IKZF2: variants seen among roughly 807,000 people sequenced by gnomAD.
The protein encoded by IKZF2 is zinc finger protein Helios.
A neutral mutation model predicts 49.2 loss-of-function variants in IKZF2; 15 were observed. The ratio of observed to expected loss-of-function variants is 0.30; its 90% CI spans 0.20 to 0.47. IKZF2 has a LOEUF of 0.47. IKZF2 is among the 20% of genes least tolerant of loss of function. The pLI is 1.00. For synonymous variants in IKZF2, 227 were observed against 221.4 expected, an observed-to-expected ratio of 1.03 and a Z score of -0.23; for missense variants, 567 against 664.6, an observed-to-expected ratio of 0.85 and a Z score of 1.61.
chr2:213,143,678 T>C (rs1383592898), intron 4 of IKZF2, among the ~76,000 whole-genome samples: 1 of 151,910 alleles, frequency 6.6e-6, no homozygotes, highest in Non-Finnish European at 1.5e-5. Context: ...TTAGGGTGTG[T>C]CCTACAGAAA....
In IKZF2 at chr2:213,007,205, T is replaced by C. The variant is rs2124997145; in HGVS notation, c.*155A>G. ...CCTTATCGTAATTAGGCAGAGCAAATGACACTGCCTCCACAAAATAAGAAT... is the reference window on the plus strand; with the variant it reads ...CCTTATCGTAATTAGGCAGAGCAAACGACACTGCCTCCACAAAATAAGAAT... On this transcript the variant is annotated 3_prime_UTR_variant, in exon 9 of 9. Coordinates refer to ENST00000434687, the MANE Select transcript of IKZF2 (RefSeq NM_001387220.1). 1.3e-6 allele frequency: 1 copy of C among 787,234 alleles called. No individual in the cohort carries two copies. The highest frequency in any genetic ancestry group is 1.9e-6 in the Non-Finnish European group (1 of 514,480). The allele number at this position is 787,234 out of a possible 1,614,324, so 48.8% of individuals were successfully genotyped here.
chr2:213,098,667 G>GA (rs1034868896), intron 4 of IKZF2, among the ~76,000 whole-genome samples: 1 of 151,910 alleles, frequency 6.6e-6, no homozygotes, highest in Non-Finnish European at 1.5e-5. Context: ...CAGACAGCAG[G>GA]AAAAAAAATA....
At position 213,005,747 on chromosome 2, in the gene IKZF2, T is replaced by C. The variant is rs1030754465; in HGVS notation, c.*1613A>G. ...TCCAAGTATGTCCCCCTAAAATGAC[T>C]TGAATCAATATCACTCGGTTCCTCC... On this transcript the variant is annotated 3_prime_UTR_variant, in exon 9 of 9. Transcript: ENST00000434687. The C allele has an allele frequency of 2.0e-5, 3 of 152,060 alleles. No individual in the cohort carries two copies. Among genetic ancestry groups the C allele is most frequent in the African/African-American group, 7.2e-5 (3 of 41,432 alleles). 9.4% of individuals were successfully genotyped at this position (152,060 alleles called of 1,614,324 possible).
rs753834368 is a variant in IKZF2 at position 213,007,824 on chromosome 2, C to T, written c.1117G>A (p.Ala373Thr). Residue 373 changes from alanine to threonine, a missense_variant, in exon 9 of 9, where the codon GCT (alanine) becomes ACT (threonine). Ala to Thr is a moderately conservative substitution (Grantham distance 58, BLOSUM62 0). Around this residue, in one of 5 missense-constraint regions of IKZF2, gnomAD observed 310 missense variants for 326.9 expected, o/e 0.95. Coordinates refer to ENST00000434687, the MANE Select transcript of IKZF2 (RefSeq NM_001387220.1). ...TCCATGTTGTTTTCATGACTATCAG[C>T]AGTTTCCCTGCTAATGGGTCTTTCT... ...RIERPISRET[A>T]DSHENNMDGP... is the part of the protein sequence containing the mutation. The T allele has an allele frequency of 2.5e-6, 4 of 1,613,556 alleles. No homozygotes were observed. The highest frequency in any genetic ancestry group is 1.7e-5 in the Admixed American group (1 of 59,916).
chr2:213,127,921 T>C (rs1312073284), intron 4 of IKZF2, among the ~76,000 whole-genome samples: 3 of 152,156 alleles, frequency 2.0e-5, no homozygotes, highest in African/African-American at 7.2e-5. Context: ...TAAGAGGCTA[T>C]TAAATTACCA....
chr2:213,128,949 G>A (rs1223183985), intron 4 of IKZF2, among the ~76,000 whole-genome samples: 2 of 151,780 alleles, frequency 1.3e-5, no homozygotes, highest in Non-Finnish European at 2.9e-5. Flanking sequence ...ACCACATCTG[G>A]CCAAGATAAG....
intron 4 of IKZF2, among the ~76,000 whole-genome samples, chr2:213,090,732 A>C (rs1203645608): frequency 1.3e-5 from 2 of 152,168 alleles, no homozygotes; most frequent in Non-Finnish European, 2.9e-5. Flanking sequence ...TGCTGTGAAC[A>C]TGAAGGCAAA....
intron 4 of IKZF2, among the ~76,000 whole-genome samples, chr2:213,069,715 T>C (rs1181275771): frequency 3.3e-5 from 5 of 152,090 alleles, no homozygotes; most frequent in Admixed American, 3.3e-4. Flanking sequence ...CCATTTTATC[T>C]CCTGTTCCAT....
intron 4 of IKZF2, among the ~76,000 whole-genome samples, chr2:213,096,477 G>A (rs972780514): frequency 1.3e-5 from 2 of 151,790 alleles, no homozygotes; most frequent in African/African-American, 4.8e-5. Context: ...ATGTATGGAT[G>A]TATATATAAT....
At chr2:213,142,023 T>C (rs1315642744) in intron 4 of IKZF2, among the ~76,000 whole-genome samples, 1 of 152,020 alleles carries the variant, frequency 6.6e-6, no homozygotes, top group Non-Finnish European at 1.5e-5. Context: ...TTTATGGTAC[T>C]ACCAGAAGCA....
intron 4 of IKZF2, among the ~76,000 whole-genome samples, chr2:213,070,032 T>C (rs568739098): frequency 2.0e-5 from 3 of 152,114 alleles, no homozygotes; most frequent in Non-Finnish European, 1.5e-5. Context: ...ATTATTTTCA[T>C]GCATTTTGAG....
chr2:213,133,667 T>C (rs551581280), intron 4 of IKZF2, among the ~76,000 whole-genome samples: 37 of 151,280 alleles, frequency 2.4e-4, no homozygotes, highest in African/African-American at 8.8e-4. Context: ...ACCACCGCAC[T>C]CTAGCCTGGG....
chr2:213,093,046 C>T (rs1293429083), intron 4 of IKZF2, among the ~76,000 whole-genome samples: 2 of 152,106 alleles, frequency 1.3e-5, no homozygotes, highest in Non-Finnish European at 2.9e-5. Flanking sequence ...TGATTGTGTA[C>T]CTGCTCTATA....
At chr2:213,115,188 G>A (rs935645710) in intron 4 of IKZF2, among the ~76,000 whole-genome samples, 2 of 152,084 alleles carry the variant, frequency 1.3e-5, no homozygotes, top group Non-Finnish European at 2.9e-5. Context: ...TTCAGTATTC[G>A]ATACGTTTAC....
intron 7 of IKZF2, among the ~76,000 whole-genome samples, chr2:213,020,797 C>A (rs2125102470): frequency 6.6e-6 from 1 of 152,186 alleles, no homozygotes; most frequent in African/African-American, 2.4e-5. Flanking sequence ...AAACAGAAAA[C>A]CCCAGAAATA....
chr2:213,043,113 C>G (rs1244678887), intron 6 of IKZF2, among the ~76,000 whole-genome samples: 1 of 151,858 alleles, frequency 6.6e-6, no homozygotes, highest in Admixed American at 6.6e-5. Flanking sequence ...TTGGTGTCCT[C>G]TAGAGGACAA....
intron 4 of IKZF2, among the ~76,000 whole-genome samples, chr2:213,138,656 CT>C (rs1365453623): frequency 6.6e-6 from 1 of 151,970 alleles, no homozygotes; most frequent in Non-Finnish European, 1.5e-5. Flanking sequence ...TCTGGAAAAC[CT>C]GATTAATTTC....
intron 4 of IKZF2, among the ~76,000 whole-genome samples, chr2:213,085,641 A>G (rs955378438): frequency 1.3e-5 from 2 of 152,216 alleles, no homozygotes; most frequent in African/African-American, 4.8e-5. Flanking sequence ...TTGCAGCATT[A>G]ATGATAGGGA....
intron 7 of IKZF2, among the ~76,000 whole-genome samples, chr2:213,017,223 C>T (rs191428120): frequency 2.9e-4 from 44 of 152,160 alleles, no homozygotes; most frequent in Non-Finnish European, 5.9e-5. Flanking sequence ...TCACTCTGTA[C>T]TTATCCGTAT....
Sources: gnomAD v4.1 joint callset for allele counts (sites outside exome capture counted in the v4.1 genomes callset) on GRCh38, gnomAD v4.1.1 for gene constraint, gnomAD v4.1.1 regional missense constraint, MANE v1.5 for transcripts, NCBI Gene and HGNC (gene_info 2026-07-23, HGNC 2026-07-21) for gene names.